GATA3: variants seen among roughly 807,000 people sequenced by gnomAD.
The protein encoded by GATA3 is GATA binding protein 3, also known as trans-acting T-cell-specific transcription factor GATA-3.
In GATA3, 6 loss-of-function variants were observed where a neutral mutation model predicts 36.0. The observed-to-expected ratio is 0.17, with a 90% CI of 0.09 to 0.33. The LOEUF is 0.33. GATA3 is among the 10% of genes least tolerant of loss of function. The probability of loss-of-function intolerance (pLI) is 1.00; values close to 1 mark genes in which losing one functional copy is unlikely to be tolerated. For synonymous variants in GATA3, 326 were observed against 273.0 expected, an observed-to-expected ratio of 1.19 and a Z score of -1.92; for missense variants, 514 against 610.1, an observed-to-expected ratio of 0.84 and a Z score of 1.66.
chr10:8,060,362 G>A (rs1451369716), intron 3 of GATA3, among the ~76,000 whole-genome samples: 5 of 152,120 alleles, frequency 3.3e-5, no homozygotes, highest in Non-Finnish European at 1.5e-5. Flanking sequence ...CAAGAGGCCG[G>A]GAGAGCTGGA....
At chr10:8,059,039 G>A (rs560677792) in intron 3 of GATA3, among the ~76,000 whole-genome samples, 198 bp downstream of exon 3, 2 of 152,162 alleles carry the variant, frequency 1.3e-5, no homozygotes, top group Non-Finnish European at 2.9e-5. Flanking sequence ...GGAAGCAGAG[G>A]GGAAGTGGGA....
chr10:8,056,928 A>G (rs1832649584), intron 2 of GATA3, among the ~76,000 whole-genome samples: 1 of 152,222 alleles, frequency 6.6e-6, no homozygotes, highest in Non-Finnish European at 1.5e-5. Flanking sequence ...GAGTCCAGCC[A>G]GACCGAATTC....
At chr10:8,065,907 G>T (rs1588385720) in intron 4 of GATA3, among the ~76,000 whole-genome samples, 3 of 96,472 alleles carry the variant, frequency 3.1e-5, no homozygotes, top group Non-Finnish European at 4.0e-5. Flanking sequence ...AGTGCAGAAT[G>T]AATATGATCA....
At chr10:8,063,948 C>T (rs770997452) in intron 3 of GATA3, 45 bp from the exon 4 acceptor site, 28 of 1,613,872 alleles carry the variant, frequency 1.7e-5, no homozygotes, top group Admixed American at 1.3e-4. Context: ...AGCTTTCCTG[C>T]GTGTTTTCCT....
In GATA3 at chr10:8,058,587, C is replaced by T. The variant is rs34363744; in HGVS notation, c.524C>T (p.Ser175Leu). The change falls in exon 3 of 6, where the codon TCG becomes TTG. Residue 175 changes from serine (S) to leucine (L), a missense_variant. By Grantham distance (145) the Ser-to-Leu change is moderately radical (BLOSUM62 -2). Coordinates refer to ENST00000379328, the MANE Select transcript of GATA3 (RefSeq NM_001002295.2). ...PSLSTPGSAG[S>L]ARQDEKECLK... The stretch of plus-strand genomic sequence containing the variant: ...CTGTCCACCCCAGGCTCGGCCGGCT[C>T]GGCCCGGCAGGACGAGAAAGAGTGC... 1.9e-6 allele frequency: 3 copies of T among 1,612,088 alleles called. No homozygotes were observed. Among genetic ancestry groups the T allele is most frequent in the South Asian group, 2.2e-5 (2 of 91,082 alleles).
chr10:8,048,446 G>A (rs1358142994), intron 1 of GATA3, among the ~76,000 whole-genome samples: 1 of 152,248 alleles, frequency 6.6e-6, no homozygotes, highest in African/African-American at 2.4e-5. Context: ...CGGTGTGGCT[G>A]AGCGGCCCCC....
intron 4 of GATA3, among the ~76,000 whole-genome samples, chr10:8,065,672 C>T (rs1832825222): frequency 6.7e-6 from 1 of 148,420 alleles, no homozygotes. Flanking sequence ...CTTTCTCAAC[C>T]TTCCCCCACC....
chr10:8,060,465 G>A (rs1297357421), intron 3 of GATA3, among the ~76,000 whole-genome samples: 1 of 152,178 alleles, frequency 6.6e-6, no homozygotes, highest in Non-Finnish European at 1.5e-5. Flanking sequence ...AGAAACACAG[G>A]CTGGGGAGCT....
intron 5 of GATA3, among the ~76,000 whole-genome samples, chr10:8,073,407 G>A (rs1832962467): frequency 6.6e-6 from 1 of 152,118 alleles, no homozygotes; most frequent in Non-Finnish European, 1.5e-5. Context: ...AGCCAAAATG[G>A]CATTTCCCTC....
intron 5 of GATA3, among the ~76,000 whole-genome samples, chr10:8,071,583 A>G (rs1832932262): frequency 6.6e-6 from 1 of 152,170 alleles, no homozygotes; most frequent in Admixed American, 6.5e-5. Flanking sequence ...CTCAATCTTA[A>G]TGAGCTTGGT....
chr10:8,053,087 G>C (rs534299722), upstream of GATA3: 5 of 152,290 alleles, frequency 3.3e-5, no homozygotes, highest in African/African-American at 1.2e-4. The surrounding 1 kb of genome is among the most constrained non-coding windows in gnomAD (Gnocchi z 5.1). Context: ...TCTTTCTACA[G>C]GGATAGTGTT....
At chr10:8,061,089 C>CTCTCTCTCTCTCTCTTTT (rs754738004) in intron 3 of GATA3, among the ~76,000 whole-genome samples, 1 of 145,734 alleles carries the variant, frequency 6.9e-6, no homozygotes, top group African/African-American at 2.6e-5. Flanking sequence ...CTCTCTCTCT[C>CTCTCTCTCTCTCTCTTTT]TTTTTTACCC....
chr10:8,045,748 G>C (rs1832379656), intron 1 of GATA3, among the ~76,000 whole-genome samples: 1 of 152,180 alleles, frequency 6.6e-6, no homozygotes, highest in African/African-American at 2.4e-5. Context: ...GCAGGAAAGA[G>C]CTGGTAGAAG....
chr10:8,072,060 T>A (rs1359802248), intron 5 of GATA3, among the ~76,000 whole-genome samples: 1 of 152,206 alleles, frequency 6.6e-6, no homozygotes, highest in Non-Finnish European at 1.5e-5. Flanking sequence ...AGAAGGAACC[T>A]GGAGATGTTC....
intron 4 of GATA3, among the ~76,000 whole-genome samples, chr10:8,067,007 A>G (rs561360479): frequency 1.3e-5 from 2 of 152,014 alleles, no homozygotes; most frequent in Non-Finnish European, 2.9e-5. Flanking sequence ...CCTGAGTGAT[A>G]TTAATCTGCT....
chr10:8,051,905 T>TC (rs918524689), upstream of GATA3, among the ~76,000 whole-genome samples: 3 of 151,956 alleles, frequency 2.0e-5, no homozygotes, highest in African/African-American at 7.3e-5. Context: ...CTCGCTCCCT[T>TC]CCCCCTTCCT....
intron 2 of GATA3, among the ~76,000 whole-genome samples, chr10:8,057,189 T>G (rs2131485751): frequency 1.3e-5 from 2 of 152,340 alleles, no homozygotes; most frequent in Middle Eastern, 6.8e-3. Flanking sequence ...TCTCTTTCCC[T>G]CTCCACTCCC....
At chr10:8,061,488 T>C (rs1832748169) in intron 3 of GATA3, among the ~76,000 whole-genome samples, 1 of 152,122 alleles carries the variant, frequency 6.6e-6, no homozygotes, top group South Asian at 2.1e-4. Flanking sequence ...GAGAGGTGTC[T>C]GCCTGAGCAG....
chr10:8,064,414 G>T (rs779024901), intron 4 of GATA3, among the ~76,000 whole-genome samples: 6 of 147,244 alleles, frequency 4.1e-5, no homozygotes, highest in Non-Finnish European at 8.9e-5. Flanking sequence ...TAAGGAGACT[G>T]AATTCTTGGT....
Sources: allele counts gnomAD v4.1 joint callset (sites outside exome capture counted in the v4.1 genomes callset), GRCh38; gene constraint gnomAD v4.1.1; non-coding constraint Gnocchi (gnomAD v3.1); transcripts MANE v1.5; gene names NCBI Gene and HGNC (gene_info 2026-07-23, HGNC 2026-07-21).